Variants in HSD17B12 observed in about 807,000 individuals in gnomAD.
HSD17B12 encodes the protein very-long-chain 3-oxoacyl-CoA reductase.
HSD17B12 carries 32 observed loss-of-function variants against 39.3 expected under a neutral mutation model. The observed-to-expected ratio is 0.81, with a 90% CI of 0.61 to 1.09. The LOEUF (loss-of-function observed/expected upper bound fraction) is 1.09, where lower values mean the gene tolerates loss of function less well. HSD17B12 is among the 50% of genes least tolerant of loss of function. The pLI, the probability that HSD17B12 is intolerant of heterozygous loss-of-function variation, is 0.00. For synonymous variants in HSD17B12, 150 were observed against 146.7 expected (o/e 1.02, Z -0.16); for missense variants, 342 against 382.9 (o/e 0.89, Z 0.89).
In HSD17B12 at chr11:43,739,584, A is replaced by C. The variant is rs367993756; in HGVS notation, c.161-11327A>C. Among the ~76,000 whole-genome samples the C allele has an allele frequency of 6.6e-5, 10 of 152,270 alleles. No homozygotes were observed. In the East Asian group the frequency reaches 1.5e-3, roughly 24 times the overall value. ...AAGGCAGAAAGTTGGCTGAAGGAAC[A>C]CTTCATGAAGATTCTTTTATAAGGG... On this transcript the variant is annotated intron_variant, in intron 1 of 10. Coordinates refer to ENST00000278353, the MANE Select transcript of HSD17B12 (RefSeq NM_016142.3).
chr11:43,619,247 T>TATATATATATTATATATATATATAAA, the HSD17B12 span, among the ~76,000 whole-genome samples: 18 of 50,290 alleles, frequency 3.6e-4, no homozygotes, highest in Admixed American at 8.9e-4. Flanking sequence ...ATATATAAAA[T>TATATATATATTATATATATATATAAA]ATATATATAT....
intron 4 of HSD17B12, among the ~76,000 whole-genome samples, chr11:43,812,038 A>G (rs1951078141): frequency 6.6e-6 from 1 of 152,216 alleles, no homozygotes; most frequent in Non-Finnish European, 1.5e-5. Flanking sequence ...ATGTTGCTAT[A>G]AATTACAGGA....
At chr11:43,808,294 T>A (rs1951038028) in intron 4 of HSD17B12, among the ~76,000 whole-genome samples, 1 of 151,648 alleles carries the variant, frequency 6.6e-6, no homozygotes, top group Non-Finnish European at 1.5e-5. Context: ...GCATGGATTT[T>A]TTTTTTTTTT....
chr11:43,616,026 A>G, the HSD17B12 span, among the ~76,000 whole-genome samples: 1 of 152,222 alleles, frequency 6.6e-6, no homozygotes, highest in African/African-American at 2.4e-5. Flanking sequence ...GAGTGTAAAA[A>G]AATGAAGAGA....
the HSD17B12 span, among the ~76,000 whole-genome samples, chr11:43,603,581 G>A: frequency 6.6e-6 from 1 of 152,132 alleles, no homozygotes; most frequent in African/African-American, 2.4e-5. Context: ...TGGCTAACTT[G>A]AAGAAAAATG....
At chr11:43,788,685 CAAAAAAAA>C (rs57970272) in intron 3 of HSD17B12, among the ~76,000 whole-genome samples, 26 of 100,910 alleles carry the variant, frequency 2.6e-4, no homozygotes, top group Admixed American at 1.0e-3. Context: ...TTTCCTTCCT[CAAAAAAAA>C]AAAAAAAAAA....
chr11:43,678,022 T>A (rs568333104), upstream of HSD17B12, among the ~76,000 whole-genome samples: 23 of 152,362 alleles, frequency 1.5e-4, no homozygotes, highest in African/African-American at 5.3e-4. Flanking sequence ...TCTTTCACAA[T>A]GGTTGAACTA....
chr11:43,728,780 T>A (rs1377017822), intron 1 of HSD17B12, among the ~76,000 whole-genome samples: 1 of 152,168 alleles, frequency 6.6e-6, no homozygotes, highest in Non-Finnish European at 1.5e-5. Flanking sequence ...AAATAATCCA[T>A]TTTTTCTTCA....
At chr11:43,622,525 T>C in the HSD17B12 span, among the ~76,000 whole-genome samples, 9 of 152,162 alleles carry the variant, frequency 5.9e-5, 1 homozygote, top group South Asian at 1.2e-3. Context: ...AGTCAGAGTA[T>C]TGAGAATTAC....
chr11:43,580,868 TCCG>T, the HSD17B12 span, among the ~76,000 whole-genome samples: 1 of 152,082 alleles, frequency 6.6e-6, no homozygotes, highest in Non-Finnish European at 1.5e-5. Flanking sequence ...ACGATTTTAG[TCCG>T]CACCAATGAG....
the HSD17B12 span, among the ~76,000 whole-genome samples, chr11:43,604,786 T>TA: frequency 1.3e-5 from 2 of 152,232 alleles, no homozygotes; most frequent in African/African-American, 4.8e-5. Context: ...AAATGTGATT[T>TA]AAAAATTGCC....
the HSD17B12 span, among the ~76,000 whole-genome samples, chr11:43,598,201 C>T: frequency 1.3e-5 from 2 of 152,100 alleles, no homozygotes; most frequent in Non-Finnish European, 2.9e-5. Flanking sequence ...TGTCTGGTTT[C>T]CTGGGTCACT....
At chr11:43,738,884 A>G (rs925952390) in intron 1 of HSD17B12, among the ~76,000 whole-genome samples, 1 of 152,242 alleles carries the variant, frequency 6.6e-6, no homozygotes, top group African/African-American at 2.4e-5. Context: ...GCATGAACCG[A>G]AAGCACTCTC....
intron 1 of HSD17B12, among the ~76,000 whole-genome samples, chr11:43,688,094 C>A (rs1472855977): frequency 6.6e-6 from 1 of 152,076 alleles, no homozygotes; most frequent in Non-Finnish European, 1.5e-5. Flanking sequence ...CACCTGTAGT[C>A]CCCGCTACTC....
the HSD17B12 span, among the ~76,000 whole-genome samples, chr11:43,655,894 TG>T: frequency 6.6e-6 from 1 of 152,216 alleles, no homozygotes; most frequent in African/African-American, 2.4e-5. Flanking sequence ...CGTCAGCCTT[TG>T]GTATCAGGAT....
At chr11:43,773,194 C>T (rs1281954719) in intron 3 of HSD17B12, among the ~76,000 whole-genome samples, 3 of 152,096 alleles carry the variant, frequency 2.0e-5, no homozygotes, top group Non-Finnish European at 4.4e-5. Flanking sequence ...TTTTATCTTA[C>T]TAGATTTGAA....
At chr11:43,564,898 CTTTTTTTTTT>C in the HSD17B12 span, among the ~76,000 whole-genome samples, 52,211 of 140,622 alleles carry the variant, frequency 0.37, 10,291 homozygotes, top group East Asian at 0.62. Context: ...CTTTCTTCTT[CTTTTTTTTTT>C]TTTTTTTTTG....
chr11:43,578,804 G>T, the HSD17B12 span: 1 of 151,886 alleles, frequency 6.6e-6, no homozygotes, highest in Non-Finnish European at 1.5e-5. Flanking sequence ...GGGGGCGGAG[G>T]GACACCCCAT....
At chr11:43,643,247 C>G in the HSD17B12 span, among the ~76,000 whole-genome samples, 6 of 152,048 alleles carry the variant, frequency 3.9e-5, no homozygotes, top group African/African-American at 1.4e-4. Flanking sequence ...ACTGTATGTA[C>G]AAACAGGATA....
Sources: gnomAD v4.1 joint callset for allele counts (sites outside exome capture counted in the v4.1 genomes callset) on GRCh38, gnomAD v4.1.1 for gene constraint, MANE v1.5 for transcripts, NCBI Gene and HGNC (gene_info 2026-07-23, HGNC 2026-07-21) for gene names.